Variants in NR1I2 observed in about 807,000 individuals in gnomAD.
NR1I2 encodes orphan nuclear receptor PAR1.
NR1I2 carries 42 observed loss-of-function variants against 43.3 expected under a neutral mutation model. That is an observed-to-expected ratio of 0.97 (90% CI 0.76 to 1.26). The LOEUF (loss-of-function observed/expected upper bound fraction) is 1.26, where lower values mean the gene tolerates loss of function less well. Ranked by LOEUF, NR1I2 falls within the 50% of genes most tolerant of loss-of-function variation. NR1I2 has a pLI of 0.00. For missense variants in NR1I2, 559 were observed against 566.7 expected, an observed-to-expected ratio of 0.99 and a Z score of 0.14; for synonymous variants, 229 against 215.0, an observed-to-expected ratio of 1.06 and a Z score of -0.57.
rs565595512 is a variant in NR1I2, at chr3:119,815,403, T to C, written c.1018T>C (p.Tyr340His). The change falls in exon 7 of 9, where the codon TAT becomes CAT. Residue 340 changes from tyrosine (Y) to histidine (H), a missense_variant. Coordinates refer to ENST00000393716, the MANE Select transcript of NR1I2 (RefSeq NM_003889.4). ...GAAGCTGCAGCTGCATGAGGAGGAGTATGTGCTGATGCAGGCCATCTCCCT... is the reference window on the plus strand; with the variant it reads ...GAAGCTGCAGCTGCATGAGGAGGAGCATGTGCTGATGCAGGCCATCTCCCT... 6.2e-7 allele frequency: 1 copy of C among 1,612,860 alleles called. No homozygotes were observed. Among genetic ancestry groups the C allele is most frequent in the Non-Finnish European group, 8.5e-7 (1 of 1,179,850 alleles).
At chr3:119,793,234 T>C (rs1046499436) in intron 1 of NR1I2, among the ~76,000 whole-genome samples, 6 of 152,166 alleles carry the variant, frequency 3.9e-5, no homozygotes, top group Non-Finnish European at 8.8e-5. Flanking sequence ...GATTCCTTTG[T>C]AGCAATACAA....
intron 3 of NR1I2, chr3:119,810,396 T>G (rs2055222886): frequency 1.4e-6 from 1 of 702,666 alleles, no homozygotes; most frequent in African/African-American, 1.8e-5. Flanking sequence ...ATGGAGGGAG[T>G]CGGTAATCTC....
chr3:119,793,070 C>T (rs908156994), intron 1 of NR1I2, among the ~76,000 whole-genome samples: 2 of 152,128 alleles, frequency 1.3e-5, no homozygotes, highest in African/African-American at 2.4e-5. Flanking sequence ...CTTGCTCCCT[C>T]TTGCTGTGTG....
intron 1 of NR1I2, among the ~76,000 whole-genome samples, chr3:119,786,470 C>A (rs4234666): frequency 9.3e-4 from 142 of 152,208 alleles, no homozygotes; most frequent in Admixed American, 2.4e-3. Context: ...ATCCAAATCC[C>A]TCATGTAATG....
intron 1 of NR1I2, among the ~76,000 whole-genome samples, chr3:119,795,770 T>C (rs969794859): frequency 6.6e-6 from 1 of 152,264 alleles, no homozygotes; most frequent in African/African-American, 2.4e-5. Context: ...TTCTCTCCTG[T>C]AGATCATCCC....
At chr3:119,798,639 C>CAGGAAAA (rs1553717552) in intron 1 of NR1I2, among the ~76,000 whole-genome samples, 5 of 121,642 alleles carry the variant, frequency 4.1e-5, no homozygotes, top group African/African-American at 6.3e-5. Context: ...GACTCCGTCT[C>CAGGAAAA]AAAAAAAAAA....
At chr3:119,793,771 C>G (rs1347097882) in intron 1 of NR1I2, among the ~76,000 whole-genome samples, 1 of 152,182 alleles carries the variant, frequency 6.6e-6, no homozygotes, top group African/African-American at 2.4e-5. Context: ...TTCACATGTT[C>G]TGGGGATAAG....
chr3:119,804,097 C>A (rs2055117674), intron 1 of NR1I2, among the ~76,000 whole-genome samples: 1 of 151,196 alleles, frequency 6.6e-6, no homozygotes, highest in Non-Finnish European at 1.5e-5. Context: ...AATGGCCAGG[C>A]ACGGTGGCTC....
In NR1I2 at chr3:119,817,137, G is replaced by A. The variant is rs766124667; in HGVS notation, c.1230G>A (p.Arg410=). The A allele has an allele frequency of 1.9e-5, 31 of 1,614,048 alleles. No individual in the cohort carries two copies. The highest frequency in any genetic ancestry group is 2.4e-5 in the Non-Finnish European group (28 of 1,180,016). The change falls in exon 9 of 9, where the codon CGG becomes CGA. Residue 410 remains arginine (R), a synonymous_variant. Transcript: ENST00000393716. The stretch of plus-strand genomic sequence containing the variant: ...GCATCAATGCTCAGCACACCCAGCG[G>A]CTGCTGCGCATCCAGGACATACACC...
chr3:119,803,744 C>T (rs980929416), intron 1 of NR1I2, among the ~76,000 whole-genome samples: 2 of 151,838 alleles, frequency 1.3e-5, no homozygotes, highest in Non-Finnish European at 2.9e-5. Flanking sequence ...CCTGCTGAAA[C>T]CATCTTTCTC....
intron 1 of NR1I2, among the ~76,000 whole-genome samples, chr3:119,799,975 CAAACAAACAA>C (rs2055055273): frequency 7.3e-6 from 1 of 136,384 alleles, no homozygotes; most frequent in African/African-American, 2.5e-5. Context: ...AACAAACAAA[CAAACAAACAA>C]ACACACACAC....
chr3:119,810,196 T>G lies in NR1I2; in HGVS notation c.331+2T>G, dbSNP rs763195924. Reference sequence around the variant, plus strand: ...TGGAGAGCGGCATGAAGAAGGAGAGTGAGCAGTGGGCGCGCGGGCGGGCCG... The same window carrying G: ...TGGAGAGCGGCATGAAGAAGGAGAGGGAGCAGTGGGCGCGCGGGCGGGCCG... On this transcript the variant is annotated splice_donor_variant, in intron 3 of 8. Coordinates refer to ENST00000393716, the MANE Select transcript of NR1I2 (RefSeq NM_003889.4). LOFTEE classifies it high-confidence loss of function. The G allele has an allele frequency of 1.9e-6, 3 of 1,600,750 alleles. No individual in the cohort carries two copies. Among genetic ancestry groups the G allele is most frequent in the Non-Finnish European group, 2.6e-6 (3 of 1,173,910 alleles).
At chr3:119,788,416 C>T (rs923706486) in intron 1 of NR1I2, among the ~76,000 whole-genome samples, 4 of 151,994 alleles carry the variant, frequency 2.6e-5, no homozygotes, top group African/African-American at 9.7e-5. Context: ...CCATCCCTGG[C>T]CATCATTATA....
intron 1 of NR1I2, among the ~76,000 whole-genome samples, chr3:119,786,412 C>T (rs1230278689): frequency 6.6e-6 from 1 of 152,040 alleles, no homozygotes; most frequent in Non-Finnish European, 1.5e-5. Context: ...TTTGAAACAT[C>T]GATATAACAA....
intron 1 of NR1I2, chr3:119,802,815 G>T (rs755057931): frequency 2.2e-6 from 1 of 451,604 alleles, no homozygotes; most frequent in Non-Finnish European, 4.5e-6. Context: ...AATATATCTG[G>T]TGTGTAGTAG....
chr3:119,814,908 G>A, intron 5 of NR1I2, 71 bp from the exon 6 acceptor site: 1 of 1,597,890 alleles, frequency 6.3e-7, no homozygotes, highest in Non-Finnish European at 8.6e-7. Flanking sequence ...TGGATTATGG[G>A]ATGGCTGCTG....
intron 2 of NR1I2, 132 bp from the exon 3 acceptor site, chr3:119,809,929 C>A (rs1334057847): frequency 1.7e-6 from 2 of 1,186,368 alleles, no homozygotes; most frequent in East Asian, 2.5e-5. Flanking sequence ...CCTGACCCAG[C>A]TGGGACGCAA....
intron 3 of NR1I2, among the ~76,000 whole-genome samples, chr3:119,810,788 G>C (rs981109676): frequency 6.6e-6 from 1 of 152,166 alleles, no homozygotes; most frequent in Admixed American, 6.5e-5. Context: ...GAACACAAAG[G>C]GACCCAAAGC....
At chr3:119,806,560 ACAGG>A (rs1381151177) in intron 1 of NR1I2, among the ~76,000 whole-genome samples, 1 of 152,154 alleles carries the variant, frequency 6.6e-6, no homozygotes, top group Non-Finnish European at 1.5e-5. Context: ...CCCCGGGATT[ACAGG>A]CATCAGCCAC....
Sources: gnomAD v4.1 joint callset for allele counts (sites outside exome capture counted in the v4.1 genomes callset) on GRCh38, gnomAD v4.1.1 for gene constraint, MANE v1.5 for transcripts, NCBI Gene and HGNC (gene_info 2026-07-23, HGNC 2026-07-21) for gene names.